The following DIP2C variants were observed in gnomAD, a reference collection of about 807,000 sequenced individuals.
DIP2C encodes the protein DIP2 acetate--CoA ligase C (putative), also known as disco-interacting protein 2 homolog C.
A neutral mutation model predicts 192.4 loss-of-function variants in DIP2C; 33 were observed. The ratio of observed to expected loss-of-function variants is 0.17; its 90% confidence interval spans 0.13 to 0.23. The LOEUF (loss-of-function observed/expected upper bound fraction) is 0.23, where lower values mean the gene tolerates loss of function less well. Ranked by LOEUF, DIP2C falls within the 10% of genes least tolerant of loss-of-function variation. DIP2C has a pLI of 1.00. For synonymous variants in DIP2C, 979 were observed against 864.1 expected (o/e 1.13, Z -2.33); for missense variants, 1,537 against 2,110.1 (o/e 0.73, Z 5.32).
At chr10:445,998 T>A (rs1468789106) in intron 3 of DIP2C, among the ~76,000 whole-genome samples, 1 of 151,078 alleles carries the variant, frequency 6.6e-6, no homozygotes, top group Non-Finnish European at 1.5e-5. Flanking sequence ...TCTGTATACA[T>A]CAGTCGTGAA....
At chr10:601,672 G>C (rs1353069356) in intron 1 of DIP2C, among the ~76,000 whole-genome samples, 2 of 152,232 alleles carry the variant, frequency 1.3e-5, no homozygotes, top group African/African-American at 4.8e-5. Context: ...GCACCACGAA[G>C]GACCATTTCA....
At chr10:408,851 A>C (rs1369852511) in intron 9 of DIP2C, 75 bp downstream of exon 9, 6 of 1,438,412 alleles carry the variant, frequency 4.2e-6, no homozygotes, top group Non-Finnish European at 4.8e-6. Flanking sequence ...TGAACTCTGT[A>C]ATGTTTAAAC....
chr10:687,492 A>T (rs1288559750), intron 1 of DIP2C, among the ~76,000 whole-genome samples: 1 of 152,238 alleles, frequency 6.6e-6, no homozygotes, highest in Non-Finnish European at 1.5e-5. Flanking sequence ...TGTGTAGCTC[A>T]GATCTCAGCA....
chr10:616,355 AAACC>A (rs1853470912), intron 1 of DIP2C, among the ~76,000 whole-genome samples: 3 of 152,258 alleles, frequency 2.0e-5, no homozygotes, highest in Admixed American at 6.5e-5. Flanking sequence ...TTTTGTAAAC[AAACC>A]AATTATTCAA....
chr10:463,771 C>T (rs567314790), intron 3 of DIP2C, among the ~76,000 whole-genome samples: 1 of 152,266 alleles, frequency 6.6e-6, no homozygotes, highest in South Asian at 2.1e-4. Context: ...ACCAAAACAG[C>T]ATGGTACTGG....
At chr10:607,720 T>A (rs909528216) in intron 1 of DIP2C, among the ~76,000 whole-genome samples, 4 of 152,146 alleles carry the variant, frequency 2.6e-5, no homozygotes, top group African/African-American at 4.8e-5. Flanking sequence ...AGTGTAAACA[T>A]TGTGAGCCAG....
intron 32 of DIP2C, among the ~76,000 whole-genome samples, chr10:297,476 G>C (rs1223948986): frequency 6.6e-6 from 1 of 152,122 alleles, no homozygotes; most frequent in Non-Finnish European, 1.5e-5. Flanking sequence ...ATATAACATT[G>C]AATAGGATTC....
rs762650192 is a variant in DIP2C at position 356,459 on chromosome 10, C to A, written c.2952G>T (p.Pro984=). The change falls in exon 24 of 37, where the codon CCG becomes CCT. Residue 984 remains proline (P), a synonymous_variant. Transcript: ENST00000280886. ...EVLQWRAQTT[P]DHILYTLLNC... is the part of the protein sequence containing the mutation. ...TGAGCAGCGTGTAGAGGATGTGGTCCGGGGTGGTCTGTGCTCTCCACTGCA... is the reference window on the plus strand; with the variant it reads ...TGAGCAGCGTGTAGAGGATGTGGTCAGGGGTGGTCTGTGCTCTCCACTGCA... The A allele has an allele frequency of 6.8e-6, 11 of 1,612,092 alleles. No individual in the cohort carries two copies. Among genetic ancestry groups the A allele is most frequent in the Non-Finnish European group, 4.2e-6 (5 of 1,179,970 alleles).
intron 31 of DIP2C, among the ~76,000 whole-genome samples, chr10:316,519 T>C (rs931081385): frequency 1.3e-5 from 2 of 152,206 alleles, no homozygotes; most frequent in African/African-American, 4.8e-5. Flanking sequence ...TTACACATGG[T>C]GAAGGGCAAG....
rs776290636 is a variant in DIP2C, at chr10:382,666, G to A, written c.1972C>T (p.Leu658Phe). The change falls in exon 17 of 37, where the codon CTC becomes TTC. Residue 658 changes from leucine (L) to phenylalanine (F), a missense_variant. By Grantham distance (22) the Leu-to-Phe change is conservative (BLOSUM62 0). This residue lies in a region of DIP2C where 677 missense variants were observed against 989.9 expected (regional missense o/e 0.68). Transcript: ENST00000280886. ...ICPCASSPEA[L>F]TVAIRRPTDD... ...CAGTACCTCCGGATGGCCACAGTGA[G>A]GGCCTCTGGCGAGCTGGCACAAGGA... 6.2e-7 allele frequency: 1 copy of A among 1,613,772 alleles called. No individual in the cohort carries two copies. Among genetic ancestry groups the A allele is most frequent in the Admixed American group, 1.7e-5 (1 of 59,992 alleles).
intron 2 of DIP2C, among the ~76,000 whole-genome samples, chr10:480,307 C>CA (rs1215322711): frequency 1.3e-5 from 2 of 150,430 alleles, no homozygotes; most frequent in Non-Finnish European, 3.0e-5. Context: ...ACTCATCCAC[C>CA]AGCCTGAGCT....
At chr10:518,097 C>CCAGCAAGTCCTGGT (rs1341203463) in intron 1 of DIP2C, among the ~76,000 whole-genome samples, 1 of 152,212 alleles carries the variant, frequency 6.6e-6, no homozygotes, top group Non-Finnish European at 1.5e-5. Flanking sequence ...GCCACACTGG[C>CCAGCAAGTCCTGGT]CAGCAAGTCC....
rs1027669504 is a variant in DIP2C, at chr10:636,436, CAG to C, written c.85+53056_85+53057del. Among the ~76,000 whole-genome samples, 1 of 152,116 alleles carries C rather than the reference CAG, an allele frequency of 6.6e-6. No homozygotes were observed. The highest frequency in any genetic ancestry group is 1.5e-5 in the Non-Finnish European group (1 of 68,016). On this transcript the variant is annotated intron_variant, in intron 1 of 36. Transcript: ENST00000280886. This position sits in a 1 kb window ranked among gnomAD's most constrained non-coding sequence, Gnocchi z 4.6. ...TCACTCTCTCTCTCTGTAGATTATA[CAG>C]AGAGACAGATTCGTTTCTCCTCTGG... is the stretch of plus-strand genomic sequence containing the variant.
intron 2 of DIP2C, among the ~76,000 whole-genome samples, chr10:474,840 G>GTAA (rs1164809044): frequency 2.6e-5 from 4 of 152,116 alleles, no homozygotes; most frequent in African/African-American, 9.7e-5. Flanking sequence ...TAATCCTTAT[G>GTAA]TAATACCCAT....
chr10:456,568 G>A (rs527256000), intron 3 of DIP2C, among the ~76,000 whole-genome samples: 1 of 152,352 alleles, frequency 6.6e-6, no homozygotes, highest in South Asian at 2.1e-4. Flanking sequence ...TGCTCCTCCT[G>A]GTTAGTGTGA....
intron 1 of DIP2C, chr10:630,153 A>G (rs1854433629): frequency 6.6e-6 from 1 of 152,248 alleles, no homozygotes; most frequent in Non-Finnish European, 1.5e-5. Context: ...CCCAAGAAGC[A>G]AAACCCGAGA....
At position 369,881 on chromosome 10, in the gene DIP2C, C is replaced by T. The variant is rs374582755; in HGVS notation, c.1992-248G>A. On this transcript the variant is annotated intron_variant, in intron 17 of 36. Transcript: ENST00000280886. ...CCCAAGAACACCCGTAAACTACCAA[C>T]GCAGCTCCTCTCCTGCCCCCTCTAT... 506 of 1,368,802 alleles carry T rather than the reference C, an allele frequency of 3.7e-4. 3 individuals are homozygous for T. The South Asian group carries it at 6.0e-3, about 16-fold the overall frequency. 84.8% of individuals were successfully genotyped at this position (1,368,802 alleles called of 1,614,324 possible). A position where few individuals can be genotyped will look rare whatever the true frequency, so the allele number is the denominator to read the frequency against.
intron 30 of DIP2C, among the ~76,000 whole-genome samples, chr10:328,110 C>A (rs901893263): frequency 1.3e-5 from 2 of 152,194 alleles, no homozygotes; most frequent in African/African-American, 4.8e-5. Flanking sequence ...CCTCGGCACA[C>A]GGACAACCGA....
chr10:671,719 C>CAG (rs2132150381), intron 1 of DIP2C, among the ~76,000 whole-genome samples: 1 of 110,520 alleles, frequency 9.0e-6, no homozygotes, highest in African/African-American at 3.7e-5. Context: ...ACGGAGGAAA[C>CAG]GCCACAGACG....
Sources: allele counts gnomAD v4.1 joint callset (sites outside exome capture counted in the v4.1 genomes callset), GRCh38; gene constraint gnomAD v4.1.1; regional missense constraint gnomAD v4.1.1; non-coding constraint Gnocchi (gnomAD v3.1); transcripts MANE v1.5; gene names NCBI Gene and HGNC (gene_info 2026-07-23, HGNC 2026-07-21).